The following LRMDA variants were observed in gnomAD, a reference collection of about 807,000 sequenced individuals.
The protein encoded by LRMDA is leucine-rich melanocyte differentiation-associated protein.
Under a neutral mutation model 29.8 loss-of-function variants are expected in LRMDA, and 18 were observed. The ratio of observed to expected loss-of-function variants is 0.60; its 90% CI spans 0.42 to 0.90. The LOEUF (loss-of-function observed/expected upper bound fraction) is 0.90. Ranked by LOEUF, LRMDA falls within the 40% of genes least tolerant of loss-of-function variation. The pLI is 0.00. For missense variants in LRMDA, 273 were observed against 273.9 expected (o/e 1.00, Z 0.02); for synonymous variants, 125 against 109.4 (o/e 1.14, Z -0.89).
chr10:75,882,956 T>C (rs1845319318), intron 2 of LRMDA, among the ~76,000 whole-genome samples: 2 of 152,196 alleles, frequency 1.3e-5, no homozygotes, highest in South Asian at 4.1e-4. Flanking sequence ...GGCCGCACTT[T>C]CATTAAGCGT....
intron 2 of LRMDA, among the ~76,000 whole-genome samples, chr10:75,618,044 G>C (rs946715197): frequency 6.6e-6 from 1 of 152,148 alleles, no homozygotes; most frequent in African/African-American, 2.4e-5. Flanking sequence ...TCAACACACT[G>C]TACTCATCTA....
chr10:75,698,862 G>T (rs1361979358), intron 2 of LRMDA, among the ~76,000 whole-genome samples: 1 of 152,132 alleles, frequency 6.6e-6, no homozygotes, highest in South Asian at 2.1e-4. Context: ...TTGCGTTTTT[G>T]TTGTTGTTAC....
chr10:76,096,057 GGTCT>G (rs1849307407), intron 5 of LRMDA, among the ~76,000 whole-genome samples: 1 of 151,684 alleles, frequency 6.6e-6, no homozygotes, highest in South Asian at 2.1e-4. Context: ...ACTTTATCCC[GGTCT>G]GTATCTTCCT....
intron 5 of LRMDA, among the ~76,000 whole-genome samples, chr10:76,090,667 G>A (rs1452600108): frequency 6.6e-6 from 1 of 152,164 alleles, no homozygotes; most frequent in African/African-American, 2.4e-5. Flanking sequence ...CATGTGGTCA[G>A]TATATTCAGT....
intron 2 of LRMDA, among the ~76,000 whole-genome samples, chr10:75,848,314 T>C (rs1048114186): frequency 2.0e-5 from 3 of 152,192 alleles, no homozygotes; most frequent in Admixed American, 6.5e-5. Context: ...GGACAAATAC[T>C]GTATGATTCC....
intron 5 of LRMDA, among the ~76,000 whole-genome samples, chr10:76,074,184 T>G (rs1390985507): frequency 6.6e-6 from 1 of 152,260 alleles, no homozygotes; most frequent in African/African-American, 2.4e-5. Flanking sequence ...GCAGTCTGTG[T>G]GATTTGGAAA....
At chr10:75,561,785 T>C (rs1389633549) in intron 2 of LRMDA, among the ~76,000 whole-genome samples, 1 of 152,094 alleles carries the variant, frequency 6.6e-6, no homozygotes, top group African/African-American at 2.4e-5. Context: ...CATTTTGTTA[T>C]GTACCCAGTA....
At chr10:76,425,114 A>T (rs961630591) in intron 6 of LRMDA, among the ~76,000 whole-genome samples, 6 of 152,204 alleles carry the variant, frequency 3.9e-5, no homozygotes, top group African/African-American at 1.2e-4. Flanking sequence ...TAGCCAATCC[A>T]AAATTTTGGT....
At chr10:75,895,950 A>G (rs1486341088) in intron 2 of LRMDA, among the ~76,000 whole-genome samples, 1 of 152,198 alleles carries the variant, frequency 6.6e-6, no homozygotes, top group Non-Finnish European at 1.5e-5. Context: ...TCCTTTTCTT[A>G]CTAACCTGTG....
At chr10:75,680,555 G>A (rs1001015824) in intron 2 of LRMDA, among the ~76,000 whole-genome samples, 3 of 151,820 alleles carry the variant, frequency 2.0e-5, no homozygotes, top group African/African-American at 7.3e-5. Flanking sequence ...CTTACATATT[G>A]TATATGCTCA....
At chr10:76,139,797 C>A (rs1850165986) in intron 5 of LRMDA, among the ~76,000 whole-genome samples, 1 of 152,022 alleles carries the variant, frequency 6.6e-6, no homozygotes, top group African/African-American at 2.4e-5. Flanking sequence ...TAAGAGTGCA[C>A]GTGTTATTCT....
chr10:75,449,263 CCAA>C, intron 2 of LRMDA, among the ~76,000 whole-genome samples: 3 of 152,224 alleles, frequency 2.0e-5, no homozygotes, highest in Admixed American at 2.0e-4. Context: ...TCATTTACTC[CCAA>C]CAACATTTTG....
chr10:75,821,799 A>C (rs779320352), intron 2 of LRMDA, among the ~76,000 whole-genome samples: 55 of 139,964 alleles, frequency 3.9e-4, no homozygotes, highest in South Asian at 1.9e-3. Flanking sequence ...AACAAACAAA[A>C]AAAACCCTTA....
chr10:75,686,160 G>A (rs1156256104), intron 2 of LRMDA, among the ~76,000 whole-genome samples: 2 of 152,184 alleles, frequency 1.3e-5, no homozygotes, highest in Non-Finnish European at 2.9e-5. Flanking sequence ...CTTAGTCAGG[G>A]AGGACAGAGG....
intron 6 of LRMDA, among the ~76,000 whole-genome samples, chr10:76,468,839 A>G (rs996032312): frequency 4.6e-5 from 7 of 152,250 alleles, no homozygotes; most frequent in Middle Eastern, 3.4e-3. Flanking sequence ...ATCAACAGAA[A>G]CCTCAAGGCA....
At chr10:76,153,189 C>T (rs1280435607) in intron 5 of LRMDA, among the ~76,000 whole-genome samples, 1 of 152,104 alleles carries the variant, frequency 6.6e-6, no homozygotes, top group Non-Finnish European at 1.5e-5. Flanking sequence ...TGTTGAGTTA[C>T]AAGAGTTCTT....
At chr10:75,821,989 G>T (rs754875003) in intron 2 of LRMDA, among the ~76,000 whole-genome samples, 9 of 152,262 alleles carry the variant, frequency 5.9e-5, no homozygotes, top group Middle Eastern at 3.4e-3. Context: ...ACAGCACTCA[G>T]TCAAGAGAAA....
At chr10:75,741,488 A>G (rs1842829313) in intron 2 of LRMDA, among the ~76,000 whole-genome samples, 1 of 152,024 alleles carries the variant, frequency 6.6e-6, no homozygotes, top group African/African-American at 2.4e-5. Flanking sequence ...GATAAGCTCC[A>G]TGTCTTGAGG....
chr10:76,121,221 G>A (rs1849780084), intron 5 of LRMDA, among the ~76,000 whole-genome samples: 1 of 151,972 alleles, frequency 6.6e-6, no homozygotes, highest in Non-Finnish European at 1.5e-5. Context: ...GAGAACAGGG[G>A]TGAGTAGAAA....
Sources: allele counts gnomAD v4.1 joint callset (sites outside exome capture counted in the v4.1 genomes callset), GRCh38; gene constraint gnomAD v4.1.1; transcripts MANE v1.5; gene names NCBI Gene and HGNC (gene_info 2026-07-23, HGNC 2026-07-21).